FAT3: variants seen among roughly 807,000 people sequenced by gnomAD.
FAT3 encodes FAT atypical cadherin 3, also known as protocadherin Fat 3.
In FAT3, 95 loss-of-function variants were observed where a neutral mutation model predicts 310.2. The observed-to-expected ratio is 0.31, with a 90% CI of 0.26 to 0.36. FAT3 has a LOEUF of 0.36. FAT3 is among the 10% of genes least tolerant of loss of function. The pLI is 1.00. For missense variants in FAT3, 5,408 were observed against 5,715.6 expected (o/e 0.95, Z 1.74); for synonymous variants, 2,314 against 2,192.9 (o/e 1.06, Z -1.54).
intron 2 of FAT3, among the ~76,000 whole-genome samples, chr11:92,501,613 T>C (rs1254279618): frequency 2.0e-5 from 3 of 151,864 alleles, no homozygotes; most frequent in African/African-American, 2.4e-5. Context: ...AGTGTATGCA[T>C]GTGCGCATGC....
intron 2 of FAT3, among the ~76,000 whole-genome samples, chr11:92,425,212 A>C (rs1298335988): frequency 6.6e-6 from 1 of 151,920 alleles, no homozygotes; most frequent in Non-Finnish European, 1.5e-5. Context: ...TGATTTTTTA[A>C]AAAGGTATTT....
intron 4 of FAT3, among the ~76,000 whole-genome samples, chr11:92,699,252 G>A (rs1032728440): frequency 1.3e-5 from 2 of 152,150 alleles, no homozygotes; most frequent in Non-Finnish European, 2.9e-5. Context: ...CAAACATATG[G>A]TGTGATACAA....
At chr11:92,711,343 T>A (rs909197378) in intron 4 of FAT3, among the ~76,000 whole-genome samples, 3 of 152,150 alleles carry the variant, frequency 2.0e-5, no homozygotes, top group African/African-American at 7.2e-5. Flanking sequence ...TAAATAGCAA[T>A]CTAGGGTAGA....
At chr11:92,516,300 C>A (rs926335021) in intron 2 of FAT3, among the ~76,000 whole-genome samples, 1 of 152,056 alleles carries the variant, frequency 6.6e-6, no homozygotes, top group African/African-American at 2.4e-5. Flanking sequence ...ATGATCAAGT[C>A]GGCTTCATCC....
At chr11:92,646,994 C>T (rs1240530400) in intron 3 of FAT3, among the ~76,000 whole-genome samples, 1 of 152,090 alleles carries the variant, frequency 6.6e-6, no homozygotes, top group East Asian at 1.9e-4. Flanking sequence ...TAGACCTGTT[C>T]TGCTTGCTTC....
chr11:92,758,847 G>A lies in FAT3; in HGVS notation c.3670-3009G>A, dbSNP rs186221863. ...TCAATTGGATATAGATAGTTAGACA[G>A]AGGGATGCCTAGGATTCTAGTGTGC... On this transcript the variant is annotated intron_variant, in intron 4 of 27. Transcript: ENST00000525166. 2.7e-3 allele frequency among the ~76,000 whole-genome samples: 404 copies of A among 152,280 alleles called. 2 individuals are homozygous for A. The highest frequency in any genetic ancestry group is 9.2e-3 in the African/African-American group (382 of 41,556).
intron 2 of FAT3, among the ~76,000 whole-genome samples, chr11:92,429,694 A>C (rs1950721824): frequency 6.6e-6 from 1 of 152,240 alleles, no homozygotes; most frequent in South Asian, 2.1e-4. Flanking sequence ...AAGAATGTTG[A>C]ATATTGGCCC....
intron 2 of FAT3, among the ~76,000 whole-genome samples, chr11:92,417,927 A>T (rs1012174188): frequency 9.2e-5 from 14 of 152,164 alleles, no homozygotes; most frequent in Non-Finnish European, 1.3e-4. Context: ...CAGTAGATAT[A>T]GAAGGTGCTT....
At chr11:92,479,611 CTCT>C (rs1952160922) in intron 2 of FAT3, among the ~76,000 whole-genome samples, 1 of 152,142 alleles carries the variant, frequency 6.6e-6, no homozygotes, top group Non-Finnish European at 1.5e-5. Context: ...TGGTCAAACA[CTCT>C]TCTTTATCAA....
At chr11:92,278,013 G>A (rs1408560502) in intron 1 of FAT3, among the ~76,000 whole-genome samples, 1 of 152,082 alleles carries the variant, frequency 6.6e-6, no homozygotes, top group Non-Finnish European at 1.5e-5. Context: ...CTGAGCCTGG[G>A]AAGTCAAGGT....
At chr11:92,822,028 G>A (rs1374179849) in intron 13 of FAT3, among the ~76,000 whole-genome samples, 1 of 151,690 alleles carries the variant, frequency 6.6e-6, no homozygotes, top group Non-Finnish European at 1.5e-5. Flanking sequence ...TTTTTTCTCT[G>A]CAGTTGATTA....
chr11:92,760,729 A>G lies in FAT3; in HGVS notation c.3670-1127A>G, dbSNP rs117616242. 8.5e-5 allele frequency among the ~76,000 whole-genome samples: 13 copies of G among 152,348 alleles called. No homozygotes were observed. In the East Asian group the frequency reaches 2.3e-3, roughly 27 times the overall value. Reference sequence around the variant, plus strand: ...GAGATAATGCATGAAAGAGTGCGTTATAAACTGTGCCACACTATCGACATG... The same window carrying G: ...GAGATAATGCATGAAAGAGTGCGTTGTAAACTGTGCCACACTATCGACATG... On this transcript the variant is annotated intron_variant, in intron 4 of 27. Coordinates refer to ENST00000525166, the MANE Select transcript of FAT3 (RefSeq NM_001367949.2).
intron 6 of FAT3, chr11:92,766,736 G>T (rs745787779): frequency 2.6e-5 from 4 of 152,132 alleles, no homozygotes; most frequent in Non-Finnish European, 4.4e-5. Flanking sequence ...CATGAAAGGG[G>T]TCTCCATTTC....
At chr11:92,642,195 C>T (rs1941989685) in intron 3 of FAT3, among the ~76,000 whole-genome samples, 2 of 152,210 alleles carry the variant, frequency 1.3e-5, no homozygotes, top group South Asian at 4.1e-4. Context: ...AAGTTTCTGC[C>T]AGATCTGCCT....
At chr11:92,635,711 C>T (rs1322055778) in intron 3 of FAT3, among the ~76,000 whole-genome samples, 2 of 152,192 alleles carry the variant, frequency 1.3e-5, no homozygotes, top group Admixed American at 1.3e-4. Context: ...TCAGCTAGCA[C>T]TGAACAGAAA....
intron 1 of FAT3, among the ~76,000 whole-genome samples, chr11:92,321,369 G>A (rs1371967048): frequency 3.3e-5 from 5 of 151,536 alleles, no homozygotes; most frequent in African/African-American, 2.4e-5. Flanking sequence ...CCCGAGAGGC[G>A]GAGCTTGCAG....
intron 3 of FAT3, among the ~76,000 whole-genome samples, chr11:92,667,022 G>A (rs773317010): frequency 1.2e-4 from 18 of 151,904 alleles, no homozygotes; most frequent in South Asian, 4.2e-4. Flanking sequence ...AGGAAGAAGC[G>A]GAAACCAGCT....
At chr11:92,416,463 AG>A (rs1477591803) in intron 2 of FAT3, among the ~76,000 whole-genome samples, 1 of 152,144 alleles carries the variant, frequency 6.6e-6, no homozygotes, top group Non-Finnish European at 1.5e-5. Flanking sequence ...ATGACACTCA[AG>A]TTAGTGTATT....
intron 1 of FAT3, among the ~76,000 whole-genome samples, chr11:92,246,573 A>C (rs1035571682): frequency 6.6e-6 from 1 of 152,058 alleles, no homozygotes; most frequent in Non-Finnish European, 1.5e-5. Flanking sequence ...AAGAAGGAAG[A>C]AGGTGAGAGA....
Sources: gnomAD v4.1 joint callset for allele counts (sites outside exome capture counted in the v4.1 genomes callset) on GRCh38, gnomAD v4.1.1 for gene constraint, MANE v1.5 for transcripts, NCBI Gene and HGNC (gene_info 2026-07-23, HGNC 2026-07-21) for gene names.